The following GLI2 variants were observed in gnomAD, a reference collection of about 807,000 sequenced individuals.
GLI2 encodes transcription activator GLI2.
GLI2 carries 22 observed loss-of-function variants against 78.9 expected under a neutral mutation model. That is an observed-to-expected ratio of 0.28 (90% CI 0.20 to 0.40). The LOEUF is 0.40. GLI2 is among the 10% of genes least tolerant of loss of function. GLI2 has a pLI of 1.00. For synonymous variants in GLI2, 974 were observed against 963.7 expected (o/e 1.01, Z -0.20); for missense variants, 2,097 against 2,213.2 (o/e 0.95, Z 1.05).
chr2:120,926,545 C>G, intron 2 of GLI2, among the ~76,000 whole-genome samples: 1 of 152,160 alleles, frequency 6.6e-6, no homozygotes, highest in Non-Finnish European at 1.5e-5. Flanking sequence ...AGCCCTTTTC[C>G]CAGTATAACT....
At chr2:120,938,455 G>A (rs889072029) in intron 3 of GLI2, among the ~76,000 whole-genome samples, 11 of 152,260 alleles carry the variant, frequency 7.2e-5, no homozygotes, top group African/African-American at 2.7e-4. Flanking sequence ...CACGTGGCTA[G>A]ATTGCAACCA....
intron 2 of GLI2, among the ~76,000 whole-genome samples, chr2:120,840,886 A>G (rs1233518352): frequency 6.6e-6 from 1 of 152,140 alleles, no homozygotes. Context: ...AAAGAGATCC[A>G]CTGGGTTACT....
chr2:120,904,045 G>A (rs1029960566), intron 2 of GLI2, among the ~76,000 whole-genome samples: 7 of 151,996 alleles, frequency 4.6e-5, no homozygotes, highest in African/African-American at 1.2e-4. Flanking sequence ...TGGGGAGGAG[G>A]CTGTCCCCCT....
chr2:120,829,356 G>C (rs903283740), intron 2 of GLI2, among the ~76,000 whole-genome samples: 1 of 152,190 alleles, frequency 6.6e-6, no homozygotes, highest in Non-Finnish European at 1.5e-5. Flanking sequence ...TCTGACCAGG[G>C]TTAATGTCTT....
At chr2:120,967,155 T>C (rs1041296827) in intron 5 of GLI2, among the ~76,000 whole-genome samples, 2 of 152,256 alleles carry the variant, frequency 1.3e-5, no homozygotes, top group African/African-American at 4.8e-5. Context: ...CACCAGCCCA[T>C]GGGGAACCCG....
intron 2 of GLI2, among the ~76,000 whole-genome samples, chr2:120,826,477 A>G (rs1285254089): frequency 6.6e-6 from 1 of 152,216 alleles, no homozygotes; most frequent in African/African-American, 2.4e-5. Flanking sequence ...GTCTCCACAC[A>G]GAGGAGACCG....
At chr2:120,913,520 T>A (rs1230491938) in intron 2 of GLI2, among the ~76,000 whole-genome samples, 2 of 152,230 alleles carry the variant, frequency 1.3e-5, no homozygotes, top group African/African-American at 4.8e-5. Flanking sequence ...CACATTGTAT[T>A]TCTGTTGGCC....
intron 2 of GLI2, among the ~76,000 whole-genome samples, chr2:120,823,837 A>G (rs950388189): frequency 1.3e-5 from 2 of 152,196 alleles, no homozygotes; most frequent in African/African-American, 4.8e-5. Flanking sequence ...GCGCAGTACC[A>G]TGCAGGCCAA....
intron 5 of GLI2, among the ~76,000 whole-genome samples, chr2:120,958,360 A>C (rs1056775207): frequency 6.6e-6 from 1 of 152,118 alleles, no homozygotes. Flanking sequence ...CATTGTAGGC[A>C]GCTCTGTCCA....
intron 2 of GLI2, among the ~76,000 whole-genome samples, chr2:120,810,630 A>C (rs1237222066): frequency 6.6e-6 from 1 of 152,208 alleles, no homozygotes; most frequent in African/African-American, 2.4e-5. Context: ...GGAAGGGATG[A>C]GGATACAGGG....
Position 120,887,962 on chromosome 2 carries a change from T to C in GLI2, c.149-39399T>C, listed in dbSNP as rs548048040. Among the ~76,000 whole-genome samples the C allele has an allele frequency of 7.9e-5, 12 of 152,376 alleles. No individual in the cohort carries two copies. In the South Asian group the frequency reaches 1.7e-3, roughly 21 times the overall value. Reference sequence around the variant, plus strand: ...AAGCCAGGGAGAGGGGAGCTGCAGCTTGGGCACAGCTAGCAGGACCTGGCC... The same window carrying C: ...AAGCCAGGGAGAGGGGAGCTGCAGCCTGGGCACAGCTAGCAGGACCTGGCC... On this transcript the variant is annotated intron_variant, in intron 2 of 13. Transcript: ENST00000361492.
chr2:120,857,293 C>CTACCCATCTGCCCATCCACT (rs1687689813), intron 2 of GLI2, among the ~76,000 whole-genome samples: 1 of 151,862 alleles, frequency 6.6e-6, no homozygotes, highest in Non-Finnish European at 1.5e-5. Flanking sequence ...AACCACCCAC[C>CTACCCATCTGCCCATCCACT]TACCCATCTG....
chr2:120,889,860 G>A (rs1677594847), intron 2 of GLI2, among the ~76,000 whole-genome samples: 1 of 152,164 alleles, frequency 6.6e-6, no homozygotes, highest in Non-Finnish European at 1.5e-5. Flanking sequence ...ACACATAGCT[G>A]GTGGGAATGT....
chr2:120,748,259 G>C (rs1682750971), intron 1 of GLI2, among the ~76,000 whole-genome samples: 1 of 152,222 alleles, frequency 6.6e-6, no homozygotes, highest in Non-Finnish European at 1.5e-5. Flanking sequence ...TTTGTTTTGA[G>C]CTATGCTTGC....
intron 3 of GLI2, 126 bp from the exon 4 acceptor site, chr2:120,951,117 T>C: frequency 2.7e-6 from 2 of 739,024 alleles, no homozygotes; most frequent in South Asian, 2.8e-5. Flanking sequence ...GTGTAGCAAA[T>C]AATAAGTGCA....
chr2:120,988,256 G>A lies in GLI2; in HGVS notation c.2291G>A (p.Gly764Glu), dbSNP rs766544216. Residue 764 changes from glycine (G) to glutamate (E), a missense_variant, in exon 14 of 14, where the codon GGG becomes GAG. Coordinates refer to ENST00000361492, the MANE Select transcript of GLI2 (RefSeq NM_001374353.1). ...FSGSGGGGPA[G>E]LLPNPRLSEL... ...GGCAGTGGGGGCGGCGGGCCCGCGG[G>A]GCTGCTGCCGAACCCGCGGCTGTCG... The A allele has an allele frequency of 3.8e-6, 6 of 1,573,038 alleles. No individual in the cohort carries two copies. The African/African-American group carries it at 6.9e-5, about 18-fold the overall frequency.
At chr2:120,987,818 A>G (rs1429832397) in intron 13 of GLI2, among the ~76,000 whole-genome samples, 2 of 152,202 alleles carry the variant, frequency 1.3e-5, no homozygotes, top group South Asian at 4.1e-4. Context: ...TCAAGGCCAG[A>G]CAGATAATGG....
chr2:120,805,397 C>T (rs1260520408), intron 2 of GLI2, among the ~76,000 whole-genome samples: 1 of 152,246 alleles, frequency 6.6e-6, no homozygotes, highest in Non-Finnish European at 1.5e-5. Context: ...GAGGACAGTG[C>T]CGGTGGCTCC....
chr2:120,894,050 G>T (rs1023786874), intron 2 of GLI2, among the ~76,000 whole-genome samples: 1 of 152,202 alleles, frequency 6.6e-6, no homozygotes, highest in Non-Finnish European at 1.5e-5. Context: ...AATCAATGCC[G>T]AAGGCTGAGG....
Sources: gnomAD v4.1 joint callset for allele counts (sites outside exome capture counted in the v4.1 genomes callset) on GRCh38, gnomAD v4.1.1 for gene constraint, MANE v1.5 for transcripts, NCBI Gene and HGNC (gene_info 2026-07-23, HGNC 2026-07-21) for gene names.